OR9Q1: variants seen among roughly 807,000 people sequenced by gnomAD.
OR9Q1 encodes the protein olfactory receptor 9Q1.
For synonymous variants in OR9Q1, 153 were observed against 148.6 expected (o/e 1.03, Z -0.22); for missense variants, 374 against 378.8 (o/e 0.99, Z 0.11).
chr11:58,094,676 T>C (rs1415318442), intron 2 of OR9Q1, among the ~76,000 whole-genome samples: 1 of 152,210 alleles, frequency 6.6e-6, no homozygotes, highest in Non-Finnish European at 1.5e-5. Context: ...GTGTCCAAAA[T>C]ATTATTTTTG....
chr11:58,056,710 T>C (rs893670723), intron 2 of OR9Q1, among the ~76,000 whole-genome samples: 2 of 152,140 alleles, frequency 1.3e-5, no homozygotes, highest in Non-Finnish European at 2.9e-5. Context: ...ACTGAGAAAA[T>C]TTTTGACCCC....
At chr11:58,059,349 A>G (rs1853357575) in intron 2 of OR9Q1, among the ~76,000 whole-genome samples, 2 of 152,222 alleles carry the variant, frequency 1.3e-5, no homozygotes, top group Non-Finnish European at 1.5e-5. Context: ...AAAACAAGAT[A>G]TATAAATTCC....
At chr11:58,056,182 C>G (rs1171711057) in intron 2 of OR9Q1, among the ~76,000 whole-genome samples, 1 of 152,206 alleles carries the variant, frequency 6.6e-6, no homozygotes. Flanking sequence ...GGTGTAAATA[C>G]TCCCACTATG....
At chr11:58,106,036 C>A (rs957602125) in intron 2 of OR9Q1, among the ~76,000 whole-genome samples, 1 of 152,026 alleles carries the variant, frequency 6.6e-6, no homozygotes, top group Non-Finnish European at 1.5e-5. Flanking sequence ...TTTGAGGAAA[C>A]TCTCTACTGT....
chr11:58,056,824 G>A lies in OR9Q1; in HGVS notation c.-15+877G>A, dbSNP rs550165193. Among the ~76,000 whole-genome samples, 7 of 152,134 alleles carry A rather than the reference G, an allele frequency of 4.6e-5. No homozygotes were observed. In the East Asian group the frequency reaches 1.4e-3, roughly 29 times the overall value. On this transcript the variant is annotated intron_variant, in intron 2 of 2. Transcript: ENST00000335397. ...ATCTCTGGTTGGTGTAGGCAGCTATGGGGTCCAGAGCCCCATCCCCAAGCC... is the reference window on the plus strand; with the variant it reads ...ATCTCTGGTTGGTGTAGGCAGCTATAGGGTCCAGAGCCCCATCCCCAAGCC...
chr11:58,157,010 G>A (rs1854414339), intron 2 of OR9Q1, among the ~76,000 whole-genome samples: 1 of 152,152 alleles, frequency 6.6e-6, no homozygotes, highest in African/African-American at 2.4e-5. Context: ...ATGCCTTGTA[G>A]CATATTGTTT....
At chr11:58,178,895 T>A (rs1423372465) in intron 2 of OR9Q1, among the ~76,000 whole-genome samples, 1 of 108,444 alleles carries the variant, frequency 9.2e-6, no homozygotes, top group Non-Finnish European at 2.1e-5. Flanking sequence ...ATATATATAT[T>A]TATATATTAT....
In OR9Q1 at chr11:58,025,240, C is replaced by T. The variant is rs151178128; in HGVS notation, c.-93+1136C>T. On this transcript the variant is annotated intron_variant, in intron 1 of 2. Transcript: ENST00000335397. ...CCAGGCTGGAGTGCAGTGGCGCGAT[C>T]TCAGCTCACTGCAACCTCCGCCTCC... 3.7e-3 allele frequency among the ~76,000 whole-genome samples: 570 copies of T among 152,292 alleles called. 3 individuals carry two copies. Among genetic ancestry groups the T allele is most frequent in the African/African-American group, 0.013 (553 of 41,564 alleles).
chr11:58,053,610 A>AAAAAATATATATAT (rs1309101033), intron 1 of OR9Q1, among the ~76,000 whole-genome samples: 3 of 62,536 alleles, frequency 4.8e-5, no homozygotes, highest in African/African-American at 2.1e-4. Context: ...ATAAAATTAA[A>AAAAAATATATATAT]AAATATATAT....
chr11:58,028,840 T>A (rs1395522512), intron 1 of OR9Q1, among the ~76,000 whole-genome samples: 1 of 152,214 alleles, frequency 6.6e-6, no homozygotes, highest in African/African-American at 2.4e-5. Context: ...ATTTCTGATT[T>A]TTTATCTCTA....
chr11:58,075,904 C>G (rs562847417), intron 2 of OR9Q1, among the ~76,000 whole-genome samples: 1 of 152,274 alleles, frequency 6.6e-6, no homozygotes, highest in Admixed American at 6.5e-5. Flanking sequence ...ATGTGCCAAC[C>G]TCTGTACCAA....
At chr11:58,110,227 A>G (rs1175648357) in intron 2 of OR9Q1, among the ~76,000 whole-genome samples, 1 of 152,170 alleles carries the variant, frequency 6.6e-6, no homozygotes, top group Non-Finnish European at 1.5e-5. Flanking sequence ...ACACATTAGT[A>G]TTATGCTTGG....
rs910283049 is a variant in OR9Q1, at chr11:58,119,611, A to G, written c.-14-59820A>G. Reference sequence around the variant, plus strand: ...TGAAACTGGCTGATTTTCCTTGGGCATCTCTTGCATTTTATGGAACTGAGC... The same window carrying G: ...TGAAACTGGCTGATTTTCCTTGGGCGTCTCTTGCATTTTATGGAACTGAGC... On this transcript the variant is annotated intron_variant, in intron 2 of 2. Coordinates refer to ENST00000335397, the MANE Select transcript of OR9Q1 (RefSeq NM_001005212.4). 5.1e-6 allele frequency: 3 copies of G among 586,358 alleles called. No individual in the cohort carries two copies. In the Admixed American group the frequency reaches 9.4e-5, roughly 18 times the overall value. The allele number at this position is 586,358 out of a possible 1,614,324, so 36.3% of individuals were successfully genotyped here. A position where few individuals can be genotyped will look rare whatever the true frequency, so the allele number is the denominator to read the frequency against.
In OR9Q1 at chr11:58,179,805, G is replaced by A; in HGVS notation, c.361G>A (p.Asp121Asn). ...DCYLLALMAY[D>N]RYLAVCQPLL... Reference sequence around the variant, plus strand: ...CTACCTCTTGGCCCTCATGGCCTATGACCGCTACTTGGCTGTGTGCCAGCC... The same window carrying A: ...CTACCTCTTGGCCCTCATGGCCTATAACCGCTACTTGGCTGTGTGCCAGCC... Residue 121 changes from aspartate to asparagine, a missense_variant, in exon 3 of 3, where the codon GAC (aspartate) becomes AAC (asparagine). Asp to Asn is a conservative substitution (Grantham distance 23). Transcript: ENST00000335397. 6.2e-7 allele frequency: 1 copy of A among 1,614,184 alleles called. No homozygotes were observed. The highest frequency in any genetic ancestry group is 8.5e-7 in the Non-Finnish European group (1 of 1,180,022).
intron 2 of OR9Q1, among the ~76,000 whole-genome samples, chr11:58,178,419 G>A (rs1002017908): frequency 6.6e-6 from 1 of 152,162 alleles, no homozygotes; most frequent in Admixed American, 6.5e-5. Flanking sequence ...AATCAGATGT[G>A]ATCAAATTAA....
chr11:58,122,816 T>C (rs1305827930), intron 2 of OR9Q1, among the ~76,000 whole-genome samples: 2 of 152,176 alleles, frequency 1.3e-5, no homozygotes, highest in African/African-American at 4.8e-5. Context: ...TTTATTCTTT[T>C]CATATTTATT....
chr11:58,059,687 C>CAAAAAAAAAAAAAAAAAAAAAAAAAAAAA (rs58893511), intron 2 of OR9Q1, among the ~76,000 whole-genome samples: 1 of 40,186 alleles, frequency 2.5e-5, no homozygotes, highest in Non-Finnish European at 4.2e-5. Flanking sequence ...GGCTCTGTCT[C>CAAAAAAAAAAAAAAAAAAAAAAAAAAAAA]AAAAAAAAAA....
At chr11:58,104,386 G>T (rs532304803) in intron 2 of OR9Q1, among the ~76,000 whole-genome samples, 1 of 151,188 alleles carries the variant, frequency 6.6e-6, no homozygotes, top group South Asian at 2.1e-4. Context: ...TCCCAGAACA[G>T]AAGTCTTCAT....
In OR9Q1 at chr11:58,179,583, A is replaced by G; in HGVS notation, c.139A>G (p.Ile47Val). ...ITVLGNLEMI[I>V]LILMDHQLHA... is the part of the protein sequence containing the mutation. ...CGTATTGGGGAACTTAGAGATGATTATTCTGATCCTCATGGATCACCAGCT... is the reference window on the plus strand; with the variant it reads ...CGTATTGGGGAACTTAGAGATGATTGTTCTGATCCTCATGGATCACCAGCT... Residue 47 changes from isoleucine (I) to valine (V), a missense_variant, in exon 3 of 3, where the codon ATT (isoleucine) becomes GTT (valine). Coordinates refer to ENST00000335397, the MANE Select transcript of OR9Q1 (RefSeq NM_001005212.4). The G allele has an allele frequency of 6.2e-7, 1 of 1,613,860 alleles. No individual in the cohort carries two copies. Among genetic ancestry groups the G allele is most frequent in the Non-Finnish European group, 8.5e-7 (1 of 1,179,884 alleles).
Sources: allele counts gnomAD v4.1 joint callset (sites outside exome capture counted in the v4.1 genomes callset), GRCh38; gene constraint gnomAD v4.1.1; transcripts MANE v1.5; gene names NCBI Gene and HGNC (gene_info 2026-07-23, HGNC 2026-07-21).